The following SMC5 variants were observed in gnomAD, a reference collection of about 807,000 sequenced individuals.
SMC5 encodes the protein structural maintenance of chromosomes 5.
Under a neutral mutation model 148.3 loss-of-function variants are expected in SMC5, and 88 were observed. That is an observed-to-expected ratio of 0.59 (90% CI 0.50 to 0.71). The LOEUF (loss-of-function observed/expected upper bound fraction) is 0.71, where lower values mean the gene tolerates loss of function less well. SMC5 is among the 30% of genes least tolerant of loss of function. The pLI is 0.00. For synonymous variants in SMC5, 421 were observed against 432.8 expected (o/e 0.97, Z 0.34); for missense variants, 1,142 against 1,298.9 (o/e 0.88, Z 1.86).
chr9:70,282,357 GA>G (rs1158381531), intron 6 of SMC5, 64 bp from the exon 7 acceptor site: 1 of 1,450,200 alleles, frequency 6.9e-7, no homozygotes, highest in African/African-American at 1.5e-5. Flanking sequence ...CCTGTATCTT[GA>G]TTTTTAGTAT....
At chr9:70,273,077 A>G (rs993993585) in intron 3 of SMC5, among the ~76,000 whole-genome samples, 1 of 152,030 alleles carries the variant, frequency 6.6e-6, no homozygotes, top group Admixed American at 6.6e-5. Context: ...TAGAATTTTT[A>G]CATCCGTATT....
intron 17 of SMC5, among the ~76,000 whole-genome samples, chr9:70,330,903 A>G (rs2036202383): frequency 6.6e-6 from 1 of 152,188 alleles, no homozygotes; most frequent in East Asian, 1.9e-4. Flanking sequence ...TAAATGAATT[A>G]CAATAATATA....
intron 13 of SMC5, among the ~76,000 whole-genome samples, chr9:70,317,853 T>C (rs2118597498): frequency 6.6e-6 from 1 of 152,282 alleles, no homozygotes; most frequent in African/African-American, 2.4e-5. Context: ...TTCCCAAATA[T>C]ACAGGAACTA....
rs142655034 is a variant in SMC5 at position 70,282,551 on chromosome 9, C to T, written c.949C>T (p.Arg317Cys). Reference protein sequence around the residue: ...TCRIEEMENERHNLEARIKEK... With the variant: ...TCRIEEMENECHNLEARIKEK... Reference sequence around the variant, plus strand: ...TCGAATTGAAGAAATGGAAAACGAGCGTCACAATTTGGAGGCTCGAATCAA... The same window carrying T: ...TCGAATTGAAGAAATGGAAAACGAGTGTCACAATTTGGAGGCTCGAATCAA... The change falls in exon 7 of 25, where the codon CGT (arginine) becomes TGT (cysteine). Residue 317 changes from arginine (R) to cysteine (C), a missense_variant. By Grantham distance (180) the Arg-to-Cys change is radical. This residue lies in a region of SMC5 where 743 missense variants were observed against 835.7 expected (regional missense o/e 0.89). Transcript: ENST00000361138. 12 of 1,586,672 alleles carry T rather than the reference C, an allele frequency of 7.6e-6. No individual in the cohort carries two copies. Among genetic ancestry groups the T allele is most frequent in the East Asian group, 4.7e-5 (2 of 42,892 alleles).
rs551709217 is a variant in SMC5 at position 70,293,197 on chromosome 9, C to A, written c.1054-4769C>A. Among the ~76,000 whole-genome samples the A allele has an allele frequency of 2.6e-5, 4 of 152,162 alleles. No individual in the cohort carries two copies. In the South Asian group the frequency reaches 8.3e-4, roughly 32 times the overall value. On this transcript the variant is annotated intron_variant, in intron 8 of 24. Transcript: ENST00000361138. The stretch of plus-strand genomic sequence containing the variant: ...ATAGCTATTAGACTAGTCAAATAAT[C>A]TATTTCATATTAGGTGAATTGGTCC...
chr9:70,308,836 AT>A (rs1274354674), intron 11 of SMC5, among the ~76,000 whole-genome samples: 1 of 152,020 alleles, frequency 6.6e-6, no homozygotes, highest in African/African-American at 2.4e-5. Flanking sequence ...AGACATATCG[AT>A]TTTTTTAAAC....
chr9:70,342,530 G>A (rs2036556355), intron 17 of SMC5, among the ~76,000 whole-genome samples: 1 of 152,032 alleles, frequency 6.6e-6, no homozygotes, highest in South Asian at 2.1e-4. Flanking sequence ...AGAGTTTGAG[G>A]GTTAGTGAAA....
intron 15 of SMC5, among the ~76,000 whole-genome samples, chr9:70,323,034 T>C (rs2035988392): frequency 6.6e-6 from 1 of 152,206 alleles, no homozygotes; most frequent in Non-Finnish European, 1.5e-5. Flanking sequence ...TGAATTTGTT[T>C]GTTGTTGCTT....
chr9:70,264,321 A>G lies in SMC5; in HGVS notation c.203A>G (p.Glu68Gly). 6.2e-7 allele frequency: 1 copy of G among 1,613,406 alleles called. No homozygotes were observed. The highest frequency in any genetic ancestry group is 8.5e-7 in the Non-Finnish European group (1 of 1,179,606). Residue 68 changes from glutamate to glycine, a missense_variant, in exon 2 of 25, where the codon GAA becomes GGA. Coordinates refer to ENST00000361138, the MANE Select transcript of SMC5 (RefSeq NM_015110.4). ...MENFLTYDIC[E>G]VSPGPHLNMI... ...TAATTCAGAACATATGATATTTGTG[A>G]AGTATCTCCTGGACCCCACTTGAAT...
At position 70,304,555 on chromosome 9, in the gene SMC5, CAG is replaced by C. The variant is rs1166862072; in HGVS notation, c.1465-690_1465-689del. 3.9e-5 allele frequency among the ~76,000 whole-genome samples: 6 copies of C among 152,206 alleles called. No individual in the cohort carries two copies. The South Asian group carries it at 1.2e-3, about 32-fold the overall frequency. On this transcript the variant is annotated intron_variant, in intron 10 of 24. Coordinates refer to ENST00000361138, the MANE Select transcript of SMC5 (RefSeq NM_015110.4). ...TACAAAAATTAGCTGGGCATGGTGA[CAG>C]ATGCCTGTAGTCCCAGCTACTCAGG...
At chr9:70,295,470 CAAA>C (rs767989666) in intron 8 of SMC5, among the ~76,000 whole-genome samples, 9 of 81,406 alleles carry the variant, frequency 1.1e-4, no homozygotes, top group African/African-American at 1.4e-4. Flanking sequence ...GACCCTGTCT[CAAA>C]AAAAAAAAAA....
At chr9:70,320,030 G>GA (rs1174268118) in intron 15 of SMC5, among the ~76,000 whole-genome samples, 7 of 151,976 alleles carry the variant, frequency 4.6e-5, no homozygotes, top group Non-Finnish European at 7.4e-5. Context: ...TTCCTGTTTG[G>GA]AAAAAGAAAA....
intron 17 of SMC5, among the ~76,000 whole-genome samples, chr9:70,332,980 G>A (rs978353721): frequency 6.6e-6 from 1 of 152,098 alleles, no homozygotes; most frequent in African/African-American, 2.4e-5. Context: ...ATCAATCTTG[G>A]TGGAAAACTG....
At chr9:70,297,823 C>A in intron 8 of SMC5, 143 bp from the exon 9 acceptor site, 1 of 852,174 alleles carries the variant, frequency 1.2e-6, no homozygotes, top group Non-Finnish European at 1.8e-6. Context: ...TGGTAATGTG[C>A]TAGTCTAATT....
chr9:70,296,115 A>G (rs1193649051), intron 8 of SMC5, among the ~76,000 whole-genome samples: 3 of 152,200 alleles, frequency 2.0e-5, no homozygotes, highest in East Asian at 1.9e-4. Flanking sequence ...GGAAAAATCA[A>G]TACCCGCATT....
intron 11 of SMC5, among the ~76,000 whole-genome samples, chr9:70,310,714 A>G (rs567280910): frequency 3.0e-4 from 45 of 152,314 alleles, no homozygotes; most frequent in Admixed American, 1.8e-3. Context: ...TTTCCAATAG[A>G]AGGCTGTTGG....
Position 70,286,184 on chromosome 9 carries a change from C to CGG in SMC5, c.982-15_982-14dup. Reference sequence around the variant, plus strand: ...TTAACTAGCTGTCCCCCCCTCTCCCCGGTTTAATTTTACAGGCAACAGATA... The same window carrying CGG: ...TTAACTAGCTGTCCCCCCCTCTCCCCGGGGTTTAATTTTACAGGCAACAGATA... On this transcript the variant is annotated splice_polypyrimidine_tract_variant and intron_variant, in intron 7 of 24. Transcript: ENST00000361138. 8 of 1,501,036 alleles carry CGG rather than the reference C, an allele frequency of 5.3e-6. No individual in the cohort carries two copies. Among genetic ancestry groups the CGG allele is most frequent in the African/African-American group, 1.4e-5 (1 of 71,672 alleles). 93.0% of individuals were successfully genotyped at this position (1,501,036 alleles called of 1,614,324 possible). A position where few individuals can be genotyped will look rare whatever the true frequency, so the allele number is the denominator to read the frequency against.
intron 18 of SMC5, chr9:70,344,512 C>A (rs188394895): frequency 1.2e-3 from 206 of 177,072 alleles, no homozygotes; most frequent in African/African-American, 4.6e-3. Flanking sequence ...ACAGTTGGAA[C>A]ATATATAGTT....
At position 70,301,790 on chromosome 9, in the gene SMC5, T is replaced by C. The variant is rs151080416; in HGVS notation, c.1464+1590T>C. Reference sequence around the variant, plus strand: ...GTTTCTGTAGGTCTCTTTTTACTAATATAAAAATAAATTTATGACATGTTA... The same window carrying C: ...GTTTCTGTAGGTCTCTTTTTACTAACATAAAAATAAATTTATGACATGTTA... On this transcript the variant is annotated intron_variant, in intron 10 of 24. Coordinates refer to ENST00000361138, the MANE Select transcript of SMC5 (RefSeq NM_015110.4). 3.9e-3 allele frequency among the ~76,000 whole-genome samples: 598 copies of C among 152,302 alleles called. 3 individuals carry two copies. Among genetic ancestry groups the C allele is most frequent in the African/African-American group, 0.013 (553 of 41,572 alleles).
Sources: gnomAD v4.1 joint callset for allele counts (sites outside exome capture counted in the v4.1 genomes callset) on GRCh38, gnomAD v4.1.1 for gene constraint, gnomAD v4.1.1 regional missense constraint, MANE v1.5 for transcripts, NCBI Gene and HGNC (gene_info 2026-07-23, HGNC 2026-07-21) for gene names.